PACRG: variants seen among roughly 807,000 people sequenced by gnomAD.
PACRG encodes the protein parkin coregulated gene protein.
In PACRG, 29 loss-of-function variants were observed where a neutral mutation model predicts 29.7. The ratio of observed to expected loss-of-function variants is 0.98; its 90% confidence interval spans 0.73 to 1.33. PACRG has a LOEUF of 1.33. Among genes scored for constraint, PACRG ranks in the 40% most tolerant of loss-of-function variants. PACRG has a pLI of 0.00. For missense variants in PACRG, 279 were observed against 316.2 expected (o/e 0.88, Z 0.89); for synonymous variants, 116 against 118.7 (o/e 0.98, Z 0.15).
intron 1 of PACRG, among the ~76,000 whole-genome samples, chr6:162,771,946 A>G (rs1783254197): frequency 6.6e-6 from 1 of 152,164 alleles, no homozygotes; most frequent in Admixed American, 6.5e-5. Context: ...TCCAAGCAGG[A>G]TAAAATACCC....
intron 4 of PACRG, among the ~76,000 whole-genome samples, chr6:163,311,600 A>C (rs1369098044): frequency 6.6e-6 from 1 of 152,210 alleles, no homozygotes; most frequent in African/African-American, 2.4e-5. Context: ...CAAACCGTGC[A>C]GGGTCATTGT....
At chr6:162,915,166 T>C (rs922621634) in intron 2 of PACRG, among the ~76,000 whole-genome samples, 1 of 152,074 alleles carries the variant, frequency 6.6e-6, no homozygotes, top group Non-Finnish European at 1.5e-5. Context: ...TAAATAACCA[T>C]TATCTACTTG....
intron 4 of PACRG, among the ~76,000 whole-genome samples, chr6:163,094,345 A>T (rs1316320429): frequency 3.3e-5 from 5 of 152,232 alleles, no homozygotes; most frequent in African/African-American, 1.2e-4. Flanking sequence ...AATGTGTTAA[A>T]TTTGAACCAT....
At chr6:163,126,696 A>G (rs1816528413) in intron 4 of PACRG, among the ~76,000 whole-genome samples, 1 of 152,252 alleles carries the variant, frequency 6.6e-6, no homozygotes, top group Non-Finnish European at 1.5e-5. Context: ...TCCTATTAAG[A>G]GTGAATATAT....
chr6:162,807,701 T>A (rs1786474129), intron 1 of PACRG, among the ~76,000 whole-genome samples: 1 of 152,226 alleles, frequency 6.6e-6, no homozygotes, highest in Admixed American at 6.5e-5. Context: ...GATGAAAAAT[T>A]GAAATAGTAC....
intron 2 of PACRG, among the ~76,000 whole-genome samples, chr6:162,875,125 T>C (rs987082113): frequency 6.6e-6 from 1 of 151,852 alleles, no homozygotes; most frequent in African/African-American, 2.4e-5. Context: ...ACATACATAG[T>C]CATGCACATT....
chr6:163,098,417 C>G (rs552609983), intron 4 of PACRG, among the ~76,000 whole-genome samples: 4 of 152,326 alleles, frequency 2.6e-5, no homozygotes, highest in Admixed American at 2.6e-4. Flanking sequence ...TCCCCTGACT[C>G]CGCCCCCACT....
At chr6:162,812,909 A>G (rs1269527199) in intron 1 of PACRG, among the ~76,000 whole-genome samples, 2 of 152,106 alleles carry the variant, frequency 1.3e-5, no homozygotes, top group African/African-American at 4.8e-5. Context: ...AATTACTCAT[A>G]TAATCATATA....
chr6:163,276,817 GT>G (rs2128182343), intron 4 of PACRG, among the ~76,000 whole-genome samples: 1 of 152,244 alleles, frequency 6.6e-6, no homozygotes, highest in East Asian at 1.9e-4. Flanking sequence ...GACTCTGCTG[GT>G]GCCTTGATCT....
intron 2 of PACRG, among the ~76,000 whole-genome samples, chr6:162,817,028 T>C (rs1424889881): frequency 6.6e-6 from 1 of 152,186 alleles, no homozygotes; most frequent in East Asian, 1.9e-4. Flanking sequence ...AGACTCCAAG[T>C]GGACTTGTGA....
At chr6:163,283,439 G>GT (rs1398354068) in intron 4 of PACRG, among the ~76,000 whole-genome samples, 2 of 152,226 alleles carry the variant, frequency 1.3e-5, no homozygotes, top group Non-Finnish European at 2.9e-5. Context: ...TTAAGATTAT[G>GT]TTTTTCAGAT....
At chr6:162,862,267 G>A (rs1198389623) in intron 2 of PACRG, among the ~76,000 whole-genome samples, 1 of 152,166 alleles carries the variant, frequency 6.6e-6, no homozygotes, top group Non-Finnish European at 1.5e-5. Flanking sequence ...CCGGATTATA[G>A]GGGCGAAGGA....
At chr6:162,865,875 C>T (rs941630991) in intron 2 of PACRG, among the ~76,000 whole-genome samples, 3 of 151,964 alleles carry the variant, frequency 2.0e-5, no homozygotes, top group Admixed American at 2.0e-4. Context: ...AAAAATCAGC[C>T]TCCAAGGTTA....
At chr6:163,251,535 T>C (rs1289109218) in intron 4 of PACRG, among the ~76,000 whole-genome samples, 1 of 152,166 alleles carries the variant, frequency 6.6e-6, no homozygotes, top group African/African-American at 2.4e-5. Context: ...GTCCTGATTT[T>C]TAGCTAATAT....
At chr6:163,300,029 G>C (rs1002152654) in intron 4 of PACRG, among the ~76,000 whole-genome samples, 1 of 152,220 alleles carries the variant, frequency 6.6e-6, no homozygotes, top group Non-Finnish European at 1.5e-5. Flanking sequence ...GAACTAAGTG[G>C]AATGACCTAT....
At chr6:162,958,786 A>G (rs1408758795) in intron 2 of PACRG, among the ~76,000 whole-genome samples, 9 of 148,654 alleles carry the variant, frequency 6.1e-5, no homozygotes, top group African/African-American at 2.0e-4. Flanking sequence ...AAATATACAT[A>G]TACACACACA....
At position 162,777,284 on chromosome 6, in the gene PACRG, A is replaced by C. The variant is rs1483552360; in HGVS notation, c.157-36863A>C. ...GGGACATGCAGTTGGCCATGTGCTCACAGGCCTCTGCTGTGTTCCCTGTGG... is the reference window on the plus strand; with the variant it reads ...GGGACATGCAGTTGGCCATGTGCTCCCAGGCCTCTGCTGTGTTCCCTGTGG... On this transcript the variant is annotated intron_variant, in intron 1 of 4. Transcript: ENST00000366888. The surrounding 1 kb of genome is among the most constrained non-coding windows in gnomAD (Gnocchi z 4.0). 6.6e-6 allele frequency among the ~76,000 whole-genome samples: 1 copy of C among 152,166 alleles called. No homozygotes were observed. The highest frequency in any genetic ancestry group is 1.5e-5 in the Non-Finnish European group (1 of 68,020).
chr6:163,205,749 G>A (rs1780877059), intron 4 of PACRG, among the ~76,000 whole-genome samples: 1 of 152,114 alleles, frequency 6.6e-6, no homozygotes, highest in Admixed American at 6.6e-5. Context: ...CACAGCAAAG[G>A]AAACCATTGA....
upstream of PACRG, chr6:162,727,790 C>T: frequency 9.2e-7 from 1 of 1,090,136 alleles, no homozygotes; most frequent in Admixed American, 2.1e-5. Context: ...CCCCCGCGCC[C>T]GGCCCTAGGA....
Sources: gnomAD v4.1 joint callset for allele counts (sites outside exome capture counted in the v4.1 genomes callset) on GRCh38, gnomAD v4.1.1 for gene constraint, Gnocchi (gnomAD v3.1) non-coding constraint, MANE v1.5 for transcripts, NCBI Gene and HGNC (gene_info 2026-07-23, HGNC 2026-07-21) for gene names.